Variants in GRIA1 observed in about 807,000 individuals in gnomAD.
The protein encoded by GRIA1 is glutamate ionotropic receptor AMPA type subunit 1.
A neutral mutation model predicts 99.2 loss-of-function variants in GRIA1; 31 were observed. The observed-to-expected ratio is 0.31, with a 90% CI of 0.23 to 0.42. GRIA1 has a LOEUF of 0.42. Ranked by LOEUF, GRIA1 falls within the 10% of genes least tolerant of loss-of-function variation. The probability of loss-of-function intolerance (pLI) is 1.00; values close to 1 mark genes in which losing one functional copy is unlikely to be tolerated. For synonymous variants in GRIA1, 438 were observed against 432.4 expected (o/e 1.01, Z -0.16); for missense variants, 782 against 1,157.5 (o/e 0.68, Z 4.71).
intron 2 of GRIA1, among the ~76,000 whole-genome samples, chr5:153,577,088 GAATGGATGGATGGATGGATGGATA>G (rs1489035252): frequency 6.7e-6 from 1 of 148,984 alleles, no homozygotes; most frequent in Non-Finnish European, 1.5e-5. Flanking sequence ...ATGAGTGGAT[GAATGGATGGATGGATGGATGGATA>G]AGTGGGTAGA....
intron 2 of GRIA1, among the ~76,000 whole-genome samples, chr5:153,506,236 A>G (rs531036234): frequency 1.3e-5 from 2 of 152,026 alleles, no homozygotes; most frequent in African/African-American, 4.8e-5. Flanking sequence ...ATTCCTAACC[A>G]TGAGGTGATG....
chr5:153,789,738 T>C (rs1765183407), intron 13 of GRIA1, among the ~76,000 whole-genome samples: 1 of 152,230 alleles, frequency 6.6e-6, no homozygotes, highest in African/African-American at 2.4e-5. Context: ...GCATATGTTA[T>C]AATTTCTTTT....
At chr5:153,495,767 G>A (rs557075531) in intron 2 of GRIA1, among the ~76,000 whole-genome samples, 3 of 152,138 alleles carry the variant, frequency 2.0e-5, no homozygotes, top group African/African-American at 7.2e-5. Context: ...TGGGAATCTA[G>A]AATAATACTG....
intron 2 of GRIA1, among the ~76,000 whole-genome samples, chr5:153,563,151 G>A (rs1020691838): frequency 9.2e-5 from 14 of 151,464 alleles, no homozygotes; most frequent in African/African-American, 3.4e-4. Context: ...ACCCCAGATT[G>A]GCGACAGAGC....
intron 2 of GRIA1, among the ~76,000 whole-genome samples, chr5:153,523,397 C>T (rs961568542): frequency 3.9e-5 from 6 of 152,194 alleles, no homozygotes; most frequent in Admixed American, 2.0e-4. Context: ...CTCCAAGAAG[C>T]CTCATTTTTC....
chr5:153,807,778 C>A (rs773096554), intron 15 of GRIA1, among the ~76,000 whole-genome samples: 2 of 152,220 alleles, frequency 1.3e-5, no homozygotes, highest in Admixed American at 1.3e-4. Flanking sequence ...TCTGCCTGGG[C>A]AAACAGACTG....
intron 2 of GRIA1, among the ~76,000 whole-genome samples, chr5:153,504,916 TC>T (rs887916395): frequency 6.6e-6 from 1 of 152,098 alleles, no homozygotes; most frequent in African/African-American, 2.4e-5. Flanking sequence ...TCTTTAACAG[TC>T]CCAGTTGGAA....
rs373339484 is a variant in GRIA1, at chr5:153,624,670, GA to G, written c.221-22251del. On this transcript the variant is annotated intron_variant, in intron 2 of 15. Coordinates refer to ENST00000285900, the MANE Select transcript of GRIA1 (RefSeq NM_000827.4). ...GGTTATTTGAAACCTCAACAGGGGG[GA>G]AAAAAATTGATAGTATTCTGTGTAG... 8.3e-3 allele frequency among the ~76,000 whole-genome samples: 1,267 copies of G among 152,200 alleles called. 15 individuals carry two copies. The highest frequency in any genetic ancestry group is 0.028 in the African/African-American group (1,152 of 41,524).
chr5:153,649,440 T>G (rs139921087), intron 3 of GRIA1, among the ~76,000 whole-genome samples: 210 of 146,902 alleles, frequency 1.4e-3, no homozygotes, highest in East Asian at 3.9e-3. Context: ...TATTTATTTA[T>G]TTAGTTAGTT....
At chr5:153,492,160 AG>A in intron 1 of GRIA1, 2 of 1,491,740 alleles carry the variant, frequency 1.3e-6, no homozygotes, top group Non-Finnish European at 1.8e-6. Flanking sequence ...TGTGTGTTTG[AG>A]GGGGGATGTG....
intron 2 of GRIA1, among the ~76,000 whole-genome samples, chr5:153,565,983 G>A (rs12522373): frequency 0.096 from 14,670 of 152,040 alleles, 773 homozygotes; most frequent in South Asian, 0.19. Flanking sequence ...TTTCTTGAGT[G>A]TGTACCTAGT....
intron 2 of GRIA1, among the ~76,000 whole-genome samples, chr5:153,522,478 A>C (rs894369638): frequency 1.3e-5 from 2 of 152,222 alleles, no homozygotes; most frequent in African/African-American, 4.8e-5. Context: ...AAGTTAGGCC[A>C]GGTTATACCA....
chr5:153,551,491 G>A (rs1561634765), intron 2 of GRIA1, among the ~76,000 whole-genome samples: 1 of 152,052 alleles, frequency 6.6e-6, no homozygotes, highest in Non-Finnish European at 1.5e-5. Context: ...ACATTTCCCA[G>A]TAGTCTTTAA....
At chr5:153,572,505 A>T (rs1395975675) in intron 2 of GRIA1, among the ~76,000 whole-genome samples, 1 of 152,164 alleles carries the variant, frequency 6.6e-6, no homozygotes, top group Non-Finnish European at 1.5e-5. Flanking sequence ...ATTCTGAGAC[A>T]TCATCCAAGT....
chr5:153,714,540 G>A lies in GRIA1; in HGVS notation c.1823+8473G>A, dbSNP rs963331906. On this transcript the variant is annotated intron_variant, in intron 11 of 15. Transcript: ENST00000285900. ...CCTATTTATGGCTAGCTACATCTTC[G>A]TAGGTTCTGCATTTTCCCAGAGACG... Among the ~76,000 whole-genome samples, 16 of 152,224 alleles carry A rather than the reference G, an allele frequency of 1.1e-4. 1 individual carries two copies. In the South Asian group the frequency reaches 3.1e-3, roughly 30 times the overall value.
At chr5:153,791,576 G>A (rs964643413) in intron 13 of GRIA1, among the ~76,000 whole-genome samples, 2 of 152,132 alleles carry the variant, frequency 1.3e-5, no homozygotes, top group Non-Finnish European at 2.9e-5. Context: ...ATGGGCTTTA[G>A]TCACACAGAG....
intron 2 of GRIA1, among the ~76,000 whole-genome samples, chr5:153,542,611 A>G (rs1759228362): frequency 6.6e-6 from 1 of 152,252 alleles, no homozygotes; most frequent in African/African-American, 2.4e-5. Context: ...CATGTCCCAG[A>G]TTGAAGGTTT....
chr5:153,623,532 A>C, intron 2 of GRIA1, among the ~76,000 whole-genome samples: 1 of 152,258 alleles, frequency 6.6e-6, no homozygotes, highest in East Asian at 1.9e-4. Context: ...TAAGTTTAAC[A>C]GTGAAAAACA....
intron 2 of GRIA1, among the ~76,000 whole-genome samples, chr5:153,526,898 G>T (rs1757651176): frequency 6.6e-6 from 1 of 152,138 alleles, no homozygotes; most frequent in African/African-American, 2.4e-5. Context: ...TTCTTCATCT[G>T]CAAAAATGGA....
Sources: gnomAD v4.1 joint callset for allele counts (sites outside exome capture counted in the v4.1 genomes callset) on GRCh38, gnomAD v4.1.1 for gene constraint, MANE v1.5 for transcripts, NCBI Gene and HGNC (gene_info 2026-07-23, HGNC 2026-07-21) for gene names.